ARRB1: variants seen among roughly 807,000 people sequenced by gnomAD.
ARRB1 encodes the protein arrestin beta 1, also known as beta-arrestin-1.
Under a neutral mutation model 56.8 loss-of-function variants are expected in ARRB1, and 21 were observed. The ratio of observed to expected loss-of-function variants is 0.37; its 90% CI spans 0.26 to 0.53. The LOEUF (loss-of-function observed/expected upper bound fraction) is 0.53. Among genes scored for constraint, ARRB1 ranks in the 20% least tolerant of loss-of-function variants. ARRB1 has a pLI of 0.88. For missense variants in ARRB1, 424 were observed against 553.7 expected (o/e 0.77, Z 2.35); for synonymous variants, 210 against 218.6 (o/e 0.96, Z 0.35).
In ARRB1 at chr11:75,265,930, G is replaced by A; in HGVS notation, c.*233C>T. The A allele has an allele frequency of 3.7e-6, 2 of 545,594 alleles. No homozygotes were observed. Among genetic ancestry groups the A allele is most frequent in the Non-Finnish European group, 6.6e-6 (2 of 303,382 alleles). 33.8% of individuals were successfully genotyped at this position (545,594 alleles called of 1,614,324 possible). ...CTGGGAGACAGCATGAAAAGGAGGG[G>A]AGTGGAGATGGCAGAGATGGGGTGG... On this transcript the variant is annotated 3_prime_UTR_variant, in exon 16 of 16. Coordinates refer to ENST00000420843, the MANE Select transcript of ARRB1 (RefSeq NM_004041.5).
chr11:75,281,865 T>G, intron 6 of ARRB1, 97 bp downstream of exon 6: 1 of 1,237,634 alleles, frequency 8.1e-7, no homozygotes, highest in East Asian at 2.4e-5. Context: ...ACAGGGAGAG[T>G]GGTCCTGTGT....
chr11:75,321,236 T>C (rs1662445961), intron 1 of ARRB1, among the ~76,000 whole-genome samples: 1 of 151,042 alleles, frequency 6.6e-6, no homozygotes, highest in South Asian at 2.1e-4. Flanking sequence ...CCACCCCACG[T>C]GGAAGAAAAT....
chr11:75,268,413 G>A (rs542393950), intron 14 of ARRB1, among the ~76,000 whole-genome samples: 1 of 148,670 alleles, frequency 6.7e-6, no homozygotes, highest in East Asian at 2.0e-4. Context: ...GCTGAGGCAG[G>A]AGAATCTCTT....
At chr11:75,351,465 G>C (rs1947850260) in intron 1 of ARRB1, 123 bp downstream of exon 1, 2 of 1,400,386 alleles carry the variant, frequency 1.4e-6, no homozygotes, top group East Asian at 6.0e-5. Context: ...GGGTGGAGGA[G>C]AGCTGGTACT....
chr11:75,272,822 G>C, intron 12 of ARRB1, 73 bp downstream of exon 12: 1 of 1,466,602 alleles, frequency 6.8e-7, no homozygotes, highest in Non-Finnish European at 9.5e-7. Flanking sequence ...AGGCAGAATG[G>C]GGCAGGGGCC....
chr11:75,313,693 T>C (rs1947210863), intron 1 of ARRB1, among the ~76,000 whole-genome samples: 1 of 151,520 alleles, frequency 6.6e-6, no homozygotes, highest in African/African-American at 2.4e-5. Context: ...TGAAATGAAA[T>C]CCCCTACTTA....
intron 1 of ARRB1, among the ~76,000 whole-genome samples, chr11:75,318,056 GAAGGGCTTGTTAAA>G (rs1947290627): frequency 6.6e-6 from 1 of 151,908 alleles, no homozygotes; most frequent in African/African-American, 2.4e-5. Context: ...ACAATCACTG[GAAGGGCTTGTTAAA>G]AAACAGGTTG....
Position 75,329,088 on chromosome 11 carries a change from CTTT to C in ARRB1, c.20+22497_20+22499del, listed in dbSNP as rs770989128. ...GGGACCATTCCTTCCTGCTGTGTAA[CTTT>C]TTTTTTTTTTTTTTTTTTTTGAGAC... is the stretch of plus-strand genomic sequence containing the variant. On this transcript the variant is annotated intron_variant, in intron 1 of 15. Coordinates refer to ENST00000420843, the MANE Select transcript of ARRB1 (RefSeq NM_004041.5). Among the ~76,000 whole-genome samples the C allele has an allele frequency of 1.9e-3, 200 of 103,658 alleles. 1 individual carries two copies. Among genetic ancestry groups the C allele is most frequent in the African/African-American group, 6.0e-3 (161 of 26,754 alleles). The allele number at this position is 103,658 out of a possible 152,430, so 68.0% of individuals were successfully genotyped here. A position where few individuals can be genotyped will look rare whatever the true frequency, so the allele number is the denominator to read the frequency against.
At chr11:75,274,446 T>TA (rs1946146926) in intron 10 of ARRB1, 2 of 527,894 alleles carry the variant, frequency 3.8e-6, no homozygotes. Context: ...TCGGATATTC[T>TA]AAAAGATTAT....
rs981385262 is a variant in ARRB1, at chr11:75,263,625, G to A, written c.*2538C>T. Among the ~76,000 whole-genome samples, 7 of 152,146 alleles carry A rather than the reference G, an allele frequency of 4.6e-5. No homozygotes were observed. Among genetic ancestry groups the A allele is most frequent in the African/African-American group, 1.7e-4 (7 of 41,420 alleles). On this transcript the variant is annotated 3_prime_UTR_variant, in exon 16 of 16. Coordinates refer to ENST00000420843, the MANE Select transcript of ARRB1 (RefSeq NM_004041.5). Reference sequence around the variant, plus strand: ...TGGGCTTCCTGAGGACAGGGGCTGGGACTGACCCATCTCTGTGGCTCCAGT... The same window carrying A: ...TGGGCTTCCTGAGGACAGGGGCTGGAACTGACCCATCTCTGTGGCTCCAGT...
chr11:75,312,982 G>A (rs1313185217), intron 1 of ARRB1, among the ~76,000 whole-genome samples: 1 of 152,204 alleles, frequency 6.6e-6, no homozygotes, highest in African/African-American at 2.4e-5. Flanking sequence ...TTTGTAACAG[G>A]AGTAATAGGA....
chr11:75,319,093 G>A (rs1026723487), intron 1 of ARRB1, among the ~76,000 whole-genome samples: 2 of 152,148 alleles, frequency 1.3e-5, no homozygotes, highest in African/African-American at 4.8e-5. Context: ...AGGAAATTAC[G>A]GAGACCAGAA....
At chr11:75,281,798 AAG>A in intron 6 of ARRB1, 162 bp downstream of exon 6, 1 of 685,836 alleles carries the variant, frequency 1.5e-6, no homozygotes. Context: ...GCCCTGTCTG[AAG>A]AGAGACTGGT....
At chr11:75,317,571 A>G (rs1947284548) in intron 1 of ARRB1, among the ~76,000 whole-genome samples, 1 of 152,128 alleles carries the variant, frequency 6.6e-6, no homozygotes, top group African/African-American at 2.4e-5. Flanking sequence ...CTCGGAGCAC[A>G]TTTCACAGTG....
intron 13 of ARRB1, among the ~76,000 whole-genome samples, chr11:75,269,804 T>C (rs1004836621): frequency 1.3e-5 from 2 of 152,226 alleles, no homozygotes; most frequent in African/African-American, 4.8e-5. Flanking sequence ...TAATGGTTAT[T>C]ATTAGATTCT....
chr11:75,280,960 T>G (rs1381781966), intron 7 of ARRB1, 115 bp downstream of exon 7: 72 of 1,255,724 alleles, frequency 5.7e-5, no homozygotes, highest in Non-Finnish European at 7.7e-5. Flanking sequence ...AAGGCTGGAA[T>G]GTGCGCCCCT....
At chr11:75,271,814 G>C in intron 12 of ARRB1, 90 bp from the exon 13 acceptor site, 1 of 1,409,984 alleles carries the variant, frequency 7.1e-7, no homozygotes. Context: ...CACTTCTGCT[G>C]TCCCCCGGAT....
In ARRB1 at chr11:75,266,193, A is replaced by G; in HGVS notation, c.1227T>C (p.Gly409=). 1 of 1,614,246 alleles carries G rather than the reference A, an allele frequency of 6.2e-7. No individual in the cohort carries two copies. The highest frequency in any genetic ancestry group is 8.5e-7 in the Non-Finnish European group (1 of 1,180,034). ...TGTTGTTGAGCTGTGGAGAGCCGGT[A>G]CCATCCTCCTCTTCCTCCTTGTCAT... ...MKDDKEEEED[G]TGSPQLNNR Residue 409 remains glycine (G), a synonymous_variant, in exon 16 of 16, where the codon GGT becomes GGC. Transcript: ENST00000420843.
intron 13 of ARRB1, chr11:75,271,358 T>G (rs1193521037): frequency 4.7e-6 from 1 of 213,674 alleles, no homozygotes; most frequent in Non-Finnish European, 9.2e-6. Flanking sequence ...AGTTCCCTCC[T>G]CACTAGTGTA....
Sources: gnomAD v4.1 joint callset for allele counts (sites outside exome capture counted in the v4.1 genomes callset) on GRCh38, gnomAD v4.1.1 for gene constraint, MANE v1.5 for transcripts, NCBI Gene and HGNC (gene_info 2026-07-23, HGNC 2026-07-21) for gene names.